The following FRMD4A variants were observed in gnomAD, a reference collection of about 807,000 sequenced individuals.
FRMD4A encodes FERM domain containing 4A, also known as FERM domain-containing protein 4A.
In FRMD4A, 29 loss-of-function variants were observed where a neutral mutation model predicts 129.1. That is an observed-to-expected ratio of 0.22 (90% CI 0.17 to 0.31). The LOEUF is 0.31. FRMD4A is among the 10% of genes least tolerant of loss of function. The pLI is 1.00. For synonymous variants in FRMD4A, 634 were observed against 571.6 expected (o/e 1.11, Z -1.56); for missense variants, 1,272 against 1,375.8 (o/e 0.92, Z 1.19).
intron 2 of FRMD4A, among the ~76,000 whole-genome samples, chr10:13,978,346 G>T (rs1054950914): frequency 6.6e-6 from 1 of 152,132 alleles, no homozygotes; most frequent in Non-Finnish European, 1.5e-5. Flanking sequence ...GGGAAAAGAG[G>T]CTGGAGTACA....
chr10:14,171,467 G>T (rs1841472575), intron 2 of FRMD4A, among the ~76,000 whole-genome samples: 1 of 152,204 alleles, frequency 6.6e-6, no homozygotes, highest in South Asian at 2.1e-4. Flanking sequence ...GGGGAGGCCA[G>T]CTGCCACCCT....
intron 2 of FRMD4A, among the ~76,000 whole-genome samples, chr10:13,901,280 A>C (rs994623727): frequency 6.6e-6 from 1 of 152,240 alleles, no homozygotes; most frequent in African/African-American, 2.4e-5. Flanking sequence ...GCTTCACTGC[A>C]AAAAGCAGCT....
At chr10:13,991,334 G>A (rs1412065370) in intron 2 of FRMD4A, among the ~76,000 whole-genome samples, 1 of 152,222 alleles carries the variant, frequency 6.6e-6, no homozygotes, top group Non-Finnish European at 1.5e-5. Flanking sequence ...GGACTCTGCA[G>A]AACTGTCATC....
At position 14,031,162 on chromosome 10, in the gene FRMD4A, G is replaced by A. The variant is rs529235931; in HGVS notation, c.46-172250C>T. Reference sequence around the variant, plus strand: ...CAACTGGAATGTGCCAGGAATGATCGCCTGGGCTTCACCACGTGGACTTTC... The same window carrying A: ...CAACTGGAATGTGCCAGGAATGATCACCTGGGCTTCACCACGTGGACTTTC... On this transcript the variant is annotated intron_variant, in intron 2 of 24. Coordinates refer to ENST00000357447, the MANE Select transcript of FRMD4A (RefSeq NM_018027.5). Among the ~76,000 whole-genome samples the A allele has an allele frequency of 8.6e-4, 131 of 152,290 alleles. 2 individuals are homozygous for A. Among genetic ancestry groups the A allele is most frequent in the Middle Eastern group, 3.4e-3 (1 of 294 alleles).
At chr10:14,239,648 C>CAAA (rs143278130) in intron 2 of FRMD4A, among the ~76,000 whole-genome samples, 13 of 144,082 alleles carry the variant, frequency 9.0e-5, no homozygotes, top group East Asian at 2.1e-4. Flanking sequence ...AACAAACAAA[C>CAAA]AAACAAAAAA....
intron 15 of FRMD4A, chr10:13,692,168 A>G (rs1428452313): frequency 1.9e-5 from 1 of 53,710 alleles, no homozygotes; most frequent in Non-Finnish European, 3.0e-5. Context: ...TTTTTTTTTG[A>G]GACAGAGTCT....
intron 2 of FRMD4A, among the ~76,000 whole-genome samples, chr10:14,008,714 C>T (rs2095671064): frequency 6.6e-6 from 1 of 152,212 alleles, no homozygotes; most frequent in Non-Finnish European, 1.5e-5. Flanking sequence ...TCACTCCCTT[C>T]TGAACGGAGG....
At chr10:13,987,049 T>A (rs917582854) in intron 2 of FRMD4A, among the ~76,000 whole-genome samples, 12 of 152,172 alleles carry the variant, frequency 7.9e-5, no homozygotes, top group Non-Finnish European at 1.6e-4. Flanking sequence ...GAGCCATAGA[T>A]CTAGGCCCTC....
rs1409915898 is a variant in FRMD4A, at chr10:13,656,910, C to T, written c.2679G>A (p.Thr893=). The part of the protein sequence containing the change: ...WRGGGGDEGD[T]GRLTPSRSQI... ...GCGATCGCGACGGCGTCAGGCGGCCCGTGTCGCCCTCGTCGCCGCCGCCGC... is the reference window on the plus strand; with the variant it reads ...GCGATCGCGACGGCGTCAGGCGGCCTGTGTCGCCCTCGTCGCCGCCGCCGC... The change falls in exon 22 of 25, where the codon ACG becomes ACA. Residue 893 remains threonine (T), a synonymous_variant. Transcript: ENST00000357447. 9 of 1,487,278 alleles carry T rather than the reference C, an allele frequency of 6.1e-6. No homozygotes were observed. Among genetic ancestry groups the T allele is most frequent in the African/African-American group, 2.9e-5 (2 of 68,816 alleles). The allele number at this position is 1,487,278 out of a possible 1,614,324, so 92.1% of individuals were successfully genotyped here.
chr10:13,725,539 T>A (rs1391891209), intron 12 of FRMD4A, among the ~76,000 whole-genome samples: 3 of 150,642 alleles, frequency 2.0e-5, no homozygotes, highest in Non-Finnish European at 4.4e-5. Context: ...GGGCAATGCT[T>A]TTTTTTTTTC....
At chr10:14,266,450 C>T (rs1241558964) in intron 2 of FRMD4A, among the ~76,000 whole-genome samples, 1 of 151,978 alleles carries the variant, frequency 6.6e-6, no homozygotes, top group Non-Finnish European at 1.5e-5. Context: ...TGAAGTAAAT[C>T]TCATTTCTGC....
intron 2 of FRMD4A, among the ~76,000 whole-genome samples, chr10:14,231,086 G>C (rs7895745): frequency 0.061 from 9,274 of 152,226 alleles, 352 homozygotes; most frequent in Middle Eastern, 0.11. Flanking sequence ...ATGAACATAT[G>C]AGTGCCTGTG....
intron 2 of FRMD4A, among the ~76,000 whole-genome samples, chr10:14,070,857 A>T (rs1409915537): frequency 6.6e-6 from 1 of 152,230 alleles, no homozygotes; most frequent in African/African-American, 2.4e-5. Context: ...ATATTTAAAG[A>T]TCCCTGACTT....
chr10:13,656,776 G>A lies in FRMD4A; in HGVS notation c.2813C>T (p.Ser938Leu). Residue 938 changes from serine (S) to leucine (L), a missense_variant, in exon 22 of 25, where the codon TCG becomes TTG. Physicochemically the swap from Ser to Leu is moderately radical, Grantham distance 145 (BLOSUM62 -2). Coordinates refer to ENST00000357447, the MANE Select transcript of FRMD4A (RefSeq NM_018027.5). ...CGACAGGCGGCTGTGCTCCTTGTGC[G>A]AGGCGGTGGAACGCTGGTACCACTG... Reference protein sequence around the residue: ...LRQWYQRSTASHKEHSRLSHT... With the variant: ...LRQWYQRSTALHKEHSRLSHT... 1.3e-6 allele frequency: 2 copies of A among 1,597,914 alleles called. No individual in the cohort carries two copies. The highest frequency in any genetic ancestry group is 1.7e-6 in the Non-Finnish European group (2 of 1,173,658).
intron 2 of FRMD4A, among the ~76,000 whole-genome samples, chr10:13,889,975 C>G (rs192712276): frequency 6.6e-6 from 1 of 152,178 alleles, no homozygotes; most frequent in South Asian, 2.1e-4. Context: ...GTCACACGAC[C>G]CTCATTCCTG....
intron 15 of FRMD4A, chr10:13,685,477 G>A: frequency 1.0e-6 from 1 of 984,988 alleles, no homozygotes; most frequent in Non-Finnish European, 1.2e-6. Context: ...CTTAGGCTGT[G>A]AAATGAGGGA....
intron 2 of FRMD4A, among the ~76,000 whole-genome samples, chr10:14,225,535 G>A (rs1843406442): frequency 6.6e-6 from 1 of 152,226 alleles, no homozygotes; most frequent in Non-Finnish European, 1.5e-5. Context: ...ATTTGGCCCG[G>A]CTTCCATGCA....
chr10:14,289,755 A>G (rs1845793368), intron 2 of FRMD4A, among the ~76,000 whole-genome samples: 1 of 152,106 alleles, frequency 6.6e-6, no homozygotes, highest in South Asian at 2.1e-4. Context: ...AGTCCTAGCC[A>G]GAGTAATTAG....
Position 14,089,054 on chromosome 10 carries a change from G to C in FRMD4A, c.46-230142C>G, listed in dbSNP as rs563656962. Among the ~76,000 whole-genome samples, 3 of 152,278 alleles carry C rather than the reference G, an allele frequency of 2.0e-5. No individual in the cohort carries two copies. The South Asian group carries it at 6.2e-4, about 32-fold the overall frequency. On this transcript the variant is annotated intron_variant, in intron 2 of 24. Transcript: ENST00000357447. ...GCAGGGGTGGGATGGGGGCTGCTGA[G>C]CAGAGCCTGGAAGATGAGTCCTCAT...
Sources: allele counts gnomAD v4.1 joint callset (sites outside exome capture counted in the v4.1 genomes callset), GRCh38; gene constraint gnomAD v4.1.1; transcripts MANE v1.5; gene names NCBI Gene and HGNC (gene_info 2026-07-23, HGNC 2026-07-21).